Variants in HFM1 observed in about 807,000 individuals in gnomAD.
The protein encoded by HFM1 is helicase for meiosis 1.
HFM1 carries 169 observed loss-of-function variants against 192.1 expected under a neutral mutation model. The ratio of observed to expected loss-of-function variants is 0.88; its 90% CI spans 0.78 to 1.00. The LOEUF is 1.00. HFM1 is among the 50% of genes least tolerant of loss of function. The pLI is 0.00. For synonymous variants in HFM1, 525 were observed against 537.8 expected, an observed-to-expected ratio of 0.98 and a Z score of 0.33; for missense variants, 1,661 against 1,668.0, an observed-to-expected ratio of 1.00 and a Z score of 0.07.
At chr1:91,290,025 G>A (rs1010391975) in intron 30 of HFM1, among the ~76,000 whole-genome samples, 1 of 152,212 alleles carries the variant, frequency 6.6e-6, no homozygotes, top group Non-Finnish European at 1.5e-5. Flanking sequence ...CACCAGGCCT[G>A]CCCTAAAAGA....
chr1:91,398,890 A>T (rs978625397), intron 2 of HFM1, among the ~76,000 whole-genome samples: 7 of 151,946 alleles, frequency 4.6e-5, no homozygotes, highest in African/African-American at 1.7e-4. Flanking sequence ...ATGGCGTTTC[A>T]CCATGTTGGC....
At chr1:91,379,972 A>C in intron 8 of HFM1, 132 bp downstream of exon 8, 1 of 430,678 alleles carries the variant, frequency 2.3e-6, no homozygotes, top group Non-Finnish European at 4.1e-6. Flanking sequence ...ATGACAAATA[A>C]GACCAGACTT....
chr1:91,380,255 T>C lies in HFM1; in HGVS notation c.874-19A>G. ...AAAGAAGCTAAAAAATAAAAAGTAA[T>C]CAATCATGTAACATATAGACTTTTT... On this transcript the variant is annotated intron_variant, in intron 7 of 38. Transcript: ENST00000370425. The C allele has an allele frequency of 6.8e-7, 1 of 1,460,354 alleles. No homozygotes were observed. The highest frequency in any genetic ancestry group is 9.2e-7 in the Non-Finnish European group (1 of 1,084,282). The allele number at this position is 1,460,354 out of a possible 1,614,324, so 90.5% of individuals were successfully genotyped here.
rs1653393346 is a variant in HFM1, at chr1:91,329,079, T to C, written c.2336-4313A>G. 8 of 1,610,076 alleles carry C rather than the reference T, an allele frequency of 5.0e-6. No individual in the cohort carries two copies. The East Asian group carries it at 6.7e-5, about 13-fold the overall frequency. ...GTGCATCCTGCTAGGCAGTGACTAC[T>C]GTAAGAGTATCTGGAGTATTGGGCC... On this transcript the variant is annotated intron_variant, in intron 20 of 38. Coordinates refer to ENST00000370425, the MANE Select transcript of HFM1 (RefSeq NM_001017975.6).
chr1:91,290,194 AC>A (rs1456043283), intron 30 of HFM1, among the ~76,000 whole-genome samples: 1 of 152,210 alleles, frequency 6.6e-6, no homozygotes, highest in Non-Finnish European at 1.5e-5. Flanking sequence ...AAATTCAAAC[AC>A]AACAATATTA....
chr1:91,352,925 A>G (rs1425113147), intron 15 of HFM1, 126 bp downstream of exon 15: 1 of 659,902 alleles, frequency 1.5e-6, no homozygotes, highest in Non-Finnish European at 2.6e-6. Context: ...ATAGGTAACC[A>G]CTTAATTTTA....
chr1:91,275,483 T>C (rs1666722578), intron 32 of HFM1, among the ~76,000 whole-genome samples: 1 of 152,216 alleles, frequency 6.6e-6, no homozygotes, highest in South Asian at 2.1e-4. Context: ...TAGCTAGACA[T>C]CTTGCAGGCC....
intron 28 of HFM1, among the ~76,000 whole-genome samples, chr1:91,314,521 G>A (rs1346388911): frequency 2.0e-5 from 3 of 152,056 alleles, no homozygotes; most frequent in Admixed American, 6.6e-5. Context: ...GCCTCTCAAA[G>A]TGCTGAGATT....
intron 3 of HFM1, 104 bp downstream of exon 3, chr1:91,396,189 G>A: frequency 2.0e-6 from 1 of 496,864 alleles, no homozygotes; most frequent in Non-Finnish European, 3.6e-6. Context: ...GCATTATTTT[G>A]ATACATGTAT....
At chr1:91,282,267 C>T (rs556000016) in intron 30 of HFM1, among the ~76,000 whole-genome samples, 3 of 152,052 alleles carry the variant, frequency 2.0e-5, no homozygotes, top group Non-Finnish European at 2.9e-5. Context: ...ACTTTATGTT[C>T]GAGACCTCCG....
intron 13 of HFM1, among the ~76,000 whole-genome samples, chr1:91,363,355 C>T (rs1469685563): frequency 6.8e-6 from 1 of 147,696 alleles, no homozygotes; most frequent in Non-Finnish European, 1.5e-5. Flanking sequence ...CAAACAACCC[C>T]ATTAAAAAGC....
intron 30 of HFM1, among the ~76,000 whole-genome samples, chr1:91,296,576 T>C (rs1453922000): frequency 6.6e-6 from 1 of 152,228 alleles, no homozygotes; most frequent in African/African-American, 2.4e-5. Context: ...AAAACCCTGC[T>C]GAAATTGGGA....
chr1:91,355,656 C>T (rs1657620683), intron 13 of HFM1, among the ~76,000 whole-genome samples: 1 of 152,026 alleles, frequency 6.6e-6, no homozygotes. Context: ...GTCAATTCAT[C>T]AAGAGCACAT....
intron 10 of HFM1, 41 bp from the exon 11 acceptor site, chr1:91,378,224 A>G: frequency 1.4e-6 from 2 of 1,427,926 alleles, no homozygotes; most frequent in Non-Finnish European, 1.9e-6. Context: ...CTATAGAATT[A>G]AAAATACATT....
At chr1:91,291,785 T>C (rs1441131557) in intron 30 of HFM1, among the ~76,000 whole-genome samples, 8 of 151,940 alleles carry the variant, frequency 5.3e-5, no homozygotes, top group East Asian at 3.9e-4. Flanking sequence ...TTGATGAACA[T>C]TGATGCAAAA....
At chr1:91,339,886 A>G (rs1271022029) in intron 20 of HFM1, among the ~76,000 whole-genome samples, 1 of 152,194 alleles carries the variant, frequency 6.6e-6, no homozygotes, top group Non-Finnish European at 1.5e-5. Context: ...AAGAAAAAAT[A>G]TTCAGGGCAA....
chr1:91,396,393 A>G lies in HFM1; in HGVS notation c.84T>C (p.Asn28=), dbSNP rs1557531730. Residue 28 remains asparagine (N), a synonymous_variant, in exon 3 of 39, where the codon AAT becomes AAC. Coordinates refer to ENST00000370425, the MANE Select transcript of HFM1 (RefSeq NM_001017975.6). ...GGAGAAACCAATCCAATGACTTTTC[A>G]TTGTCTGGATGGCTATATAAAATAT... The part of the protein sequence containing the change: ...KPDEVENHPD[N]EKSLDWFLPP... The G allele has an allele frequency of 6.4e-7, 1 of 1,566,784 alleles. No individual in the cohort carries two copies. Among genetic ancestry groups the G allele is most frequent in the Non-Finnish European group, 8.8e-7 (1 of 1,142,372 alleles).
intron 13 of HFM1, among the ~76,000 whole-genome samples, chr1:91,356,846 A>T (rs761807357): frequency 1.5e-4 from 23 of 152,196 alleles, no homozygotes; most frequent in Non-Finnish European, 3.1e-4. Flanking sequence ...AACAAATTGG[A>T]TAACCTACAG....
At chr1:91,311,492 G>C (rs935033894) in intron 30 of HFM1, among the ~76,000 whole-genome samples, 2 of 152,030 alleles carry the variant, frequency 1.3e-5, no homozygotes, top group Non-Finnish European at 2.9e-5. Context: ...CGGGCATGCT[G>C]GTGGGTGCCT....
Sources: gnomAD v4.1 joint callset for allele counts (sites outside exome capture counted in the v4.1 genomes callset) on GRCh38, gnomAD v4.1.1 for gene constraint, MANE v1.5 for transcripts, NCBI Gene and HGNC (gene_info 2026-07-23, HGNC 2026-07-21) for gene names.